PTPRZ1: variants seen among roughly 807,000 people sequenced by gnomAD.
The protein encoded by PTPRZ1 is protein tyrosine phosphatase receptor type Z1, also known as receptor-type tyrosine-protein phosphatase zeta.
A neutral mutation model predicts 214.1 loss-of-function variants in PTPRZ1; 82 were observed. That is an observed-to-expected ratio of 0.38 (90% CI 0.32 to 0.46). PTPRZ1 has a LOEUF of 0.46. PTPRZ1 is among the 20% of genes least tolerant of loss of function. PTPRZ1 has a pLI of 1.00. For synonymous variants in PTPRZ1, 945 were observed against 987.9 expected, an observed-to-expected ratio of 0.96 and a Z score of 0.81; for missense variants, 2,603 against 2,748.7, an observed-to-expected ratio of 0.95 and a Z score of 1.19.
chr7:122,042,145 A>G (rs772006348), intron 21 of PTPRZ1, among the ~76,000 whole-genome samples: 1 of 152,194 alleles, frequency 6.6e-6, no homozygotes, highest in Admixed American at 6.5e-5. Flanking sequence ...AGCTTTATCA[A>G]ATTCTTTTTC....
chr7:121,918,189 C>T (rs954755069), intron 1 of PTPRZ1, among the ~76,000 whole-genome samples: 3 of 152,144 alleles, frequency 2.0e-5, no homozygotes, highest in African/African-American at 4.8e-5. Context: ...ATGACCCGCA[C>T]CTATTTTAGA....
rs1798646588 is a variant in PTPRZ1, at chr7:122,011,097, A to G, written c.2051A>G (p.Asp684Gly). The G allele has an allele frequency of 3.1e-6, 5 of 1,614,134 alleles. No individual in the cohort carries two copies. In the East Asian group the frequency reaches 8.9e-5, roughly 29 times the overall value. The change falls in exon 12 of 30, where the codon GAT (aspartate) becomes GGT (glycine). Residue 684 changes from aspartate to glycine, a missense_variant. Physicochemically the swap from Asp to Gly is moderately conservative, Grantham distance 94 (BLOSUM62 -1). Around this residue, in one of 6 missense-constraint regions of PTPRZ1, gnomAD observed 1,913 missense variants for 1,914.3 expected, o/e 1.00. Coordinates refer to ENST00000393386, the MANE Select transcript of PTPRZ1 (RefSeq NM_002851.3). ...LQTNYTEIRV[D>G]ESEKTTKSFS... Reference sequence around the variant, plus strand: ...ACTAATTACACTGAGATACGTGTTGATGAATCTGAGAAGACAACCAAGTCC... The same window carrying G: ...ACTAATTACACTGAGATACGTGTTGGTGAATCTGAGAAGACAACCAAGTCC...
Position 122,013,162 on chromosome 7 carries a change from G to A in PTPRZ1, c.4116G>A (p.Gly1372=), listed in dbSNP as rs754522701. Residue 1372 remains glycine (G), a synonymous_variant, in exon 12 of 30, where the codon GGG becomes GGA. Transcript: ENST00000393386. ...STDHSVPIGN[G]HVAITAVSPH... is the part of the protein sequence containing the mutation. ...ATCATTCTGTTCCTATAGGAAATGG[G>A]CATGTTGCCATTACAGCTGTTTCTC... 1.1e-5 allele frequency: 17 copies of A among 1,613,922 alleles called. No homozygotes were observed. The highest frequency in any genetic ancestry group is 1.7e-5 in the Admixed American group (1 of 60,004).
chr7:121,920,759 C>T (rs1206498), intron 1 of PTPRZ1, among the ~76,000 whole-genome samples: 3,760 of 152,200 alleles, frequency 0.025, 116 homozygotes, highest in African/African-American at 0.065. Flanking sequence ...TCATGCATAT[C>T]GTTTAAGCTC....
At chr7:121,952,284 G>GT (rs1053609203) in intron 2 of PTPRZ1, among the ~76,000 whole-genome samples, 21 of 151,818 alleles carry the variant, frequency 1.4e-4, no homozygotes, top group African/African-American at 2.7e-4. Flanking sequence ...TTTGTTTTTG[G>GT]TTTTTTTTAG....
intron 15 of PTPRZ1, among the ~76,000 whole-genome samples, chr7:122,032,875 A>G (rs1799424021): frequency 6.6e-6 from 1 of 152,202 alleles, no homozygotes; most frequent in African/African-American, 2.4e-5. Context: ...CTAAAACATC[A>G]AATTATTTTT....
intron 20 of PTPRZ1, among the ~76,000 whole-genome samples, chr7:122,040,025 C>T (rs1397813844): frequency 6.6e-6 from 1 of 151,944 alleles, no homozygotes; most frequent in Non-Finnish European, 1.5e-5. Context: ...ATCACAGCTG[C>T]CGTCAGTCCT....
chr7:121,917,410 GA>G (rs1445609946), intron 1 of PTPRZ1, among the ~76,000 whole-genome samples: 1 of 152,032 alleles, frequency 6.6e-6, no homozygotes, highest in Non-Finnish European at 1.5e-5. Context: ...TAAAACTAAA[GA>G]GCACTTCAGA....
At chr7:121,955,694 A>G (rs1796685129) in intron 2 of PTPRZ1, among the ~76,000 whole-genome samples, 3 of 152,232 alleles carry the variant, frequency 2.0e-5, no homozygotes, top group Admixed American at 2.0e-4. Flanking sequence ...CAGTAGGTGC[A>G]ATTAGACAGA....
chr7:121,958,607 G>A (rs1410100563), intron 2 of PTPRZ1, among the ~76,000 whole-genome samples: 1 of 152,040 alleles, frequency 6.6e-6, no homozygotes, highest in East Asian at 1.9e-4. Flanking sequence ...ATTTTTTGTT[G>A]TTTAATGAAC....
chr7:121,884,360 G>A (rs921541461), intron 1 of PTPRZ1, among the ~76,000 whole-genome samples: 2 of 152,022 alleles, frequency 1.3e-5, no homozygotes, highest in Non-Finnish European at 2.9e-5. Context: ...ATATGTAAGT[G>A]CATATATATA....
chr7:122,013,179 C>T lies in PTPRZ1; in HGVS notation c.4133C>T (p.Ala1378Val), dbSNP rs1160411244. Residue 1378 changes from alanine to valine, a missense_variant, in exon 12 of 30, where the codon GCT becomes GTT. Around this residue, in one of 6 missense-constraint regions of PTPRZ1, gnomAD observed 1,913 missense variants for 1,914.3 expected, o/e 1.00. Coordinates refer to ENST00000393386, the MANE Select transcript of PTPRZ1 (RefSeq NM_002851.3). ...PIGNGHVAITAVSPHRDGSVT... is the reference protein window; with the variant it reads ...PIGNGHVAITVVSPHRDGSVT... The stretch of plus-strand genomic sequence containing the variant: ...GGAAATGGGCATGTTGCCATTACAG[C>T]TGTTTCTCCCCACAGAGATGGTTCT... 6.2e-7 allele frequency: 1 copy of T among 1,614,060 alleles called. No individual in the cohort carries two copies. The highest frequency in any genetic ancestry group is 1.1e-5 in the South Asian group (1 of 91,080).
At chr7:121,917,954 T>C (rs1289424866) in intron 1 of PTPRZ1, among the ~76,000 whole-genome samples, 5 of 152,128 alleles carry the variant, frequency 3.3e-5, no homozygotes, top group African/African-American at 1.2e-4. Context: ...ATTGAAAATG[T>C]CTTAAATCAT....
intron 2 of PTPRZ1, among the ~76,000 whole-genome samples, chr7:121,931,019 T>C (rs1795905717): frequency 6.6e-6 from 1 of 152,206 alleles, no homozygotes; most frequent in Admixed American, 6.5e-5. Context: ...GGACATCTTT[T>C]TAAATGATTC....
chr7:122,034,267 T>C lies in PTPRZ1; in HGVS notation c.5188-15T>C. The C allele has an allele frequency of 1.2e-6, 2 of 1,607,930 alleles. No homozygotes were observed. The highest frequency in any genetic ancestry group is 1.7e-6 in the Non-Finnish European group (2 of 1,175,868). On this transcript the variant is annotated splice_polypyrimidine_tract_variant and intron_variant, in intron 16 of 29. Coordinates refer to ENST00000393386, the MANE Select transcript of PTPRZ1 (RefSeq NM_002851.3). Reference sequence around the variant, plus strand: ...AGAATGTGTGTTAAAATGATTTACATATAATTTTTTACAGGAAGTGCAGAG... The same window carrying C: ...AGAATGTGTGTTAAAATGATTTACACATAATTTTTTACAGGAAGTGCAGAG...
intron 1 of PTPRZ1, among the ~76,000 whole-genome samples, chr7:121,886,111 C>G (rs1794387534): frequency 6.6e-6 from 1 of 152,004 alleles, no homozygotes; most frequent in South Asian, 2.1e-4. Flanking sequence ...GGTGATTGCG[C>G]TACTGGGGAA....
intron 2 of PTPRZ1, among the ~76,000 whole-genome samples, chr7:121,963,510 A>G (rs1796942767): frequency 1.3e-5 from 2 of 152,122 alleles, no homozygotes; most frequent in African/African-American, 4.8e-5. Flanking sequence ...AGGTGTTACT[A>G]GTAAGCATGT....
intron 4 of PTPRZ1, 122 bp downstream of exon 4, chr7:121,972,814 C>A: frequency 1.2e-6 from 1 of 840,646 alleles, no homozygotes. Flanking sequence ...ATTTTGATTA[C>A]TTGATTAATA....
At chr7:121,925,349 T>G (rs567876986) in intron 1 of PTPRZ1, among the ~76,000 whole-genome samples, 1 of 152,290 alleles carries the variant, frequency 6.6e-6, no homozygotes, top group Admixed American at 6.5e-5. Flanking sequence ...ACAACCATAT[T>G]TGAAAAATAA....
Sources: gnomAD v4.1 joint callset for allele counts (sites outside exome capture counted in the v4.1 genomes callset) on GRCh38, gnomAD v4.1.1 for gene constraint, gnomAD v4.1.1 regional missense constraint, MANE v1.5 for transcripts, NCBI Gene and HGNC (gene_info 2026-07-23, HGNC 2026-07-21) for gene names.